BRWD1: variants seen among roughly 807,000 people sequenced by gnomAD.
BRWD1 encodes bromodomain and WD repeat-containing protein 1.
A neutral mutation model predicts 251.2 loss-of-function variants in BRWD1; 82 were observed. The ratio of observed to expected loss-of-function variants is 0.33; its 90% CI spans 0.27 to 0.39. BRWD1 has a LOEUF of 0.39. Among genes scored for constraint, BRWD1 ranks in the 10% least tolerant of loss-of-function variants. The pLI is 1.00. For synonymous variants in BRWD1, 918 were observed against 902.8 expected (o/e 1.02, Z -0.30); for missense variants, 2,233 against 2,711.6 (o/e 0.82, Z 3.92).
chr21:39,294,026 C>G lies in BRWD1; in HGVS notation c.616G>C (p.Asp206His). The change falls in exon 8 of 41, where the codon GAT (aspartate) becomes CAT (histidine). Residue 206 changes from aspartate (D) to histidine (H), a missense_variant. Around this residue, in one of 12 missense-constraint regions of BRWD1, gnomAD observed 185 missense variants for 260.6 expected, o/e 0.71. Transcript: ENST00000342449. ...RTGHRIFTGSDDCLVKIWSTH... is the reference protein window; with the variant it reads ...RTGHRIFTGSHDCLVKIWSTH... ...GACCAAATCTTTACCAAACAGTCAT[C>G]TGAACCCTAAGAAAAAATATATCCA... 6.2e-7 allele frequency: 1 copy of G among 1,612,170 alleles called. No individual in the cohort carries two copies. Among genetic ancestry groups the G allele is most frequent in the Non-Finnish European group, 8.5e-7 (1 of 1,178,820 alleles).
chr21:39,190,319 C>T lies in BRWD1; in HGVS notation c.*5940G>A. Reference sequence around the variant, plus strand: ...GTTTTCCTAAATTCAAAGTAAACTGCATATGGTTACTACAGAAGCATTATA... The same window carrying T: ...GTTTTCCTAAATTCAAAGTAAACTGTATATGGTTACTACAGAAGCATTATA... On this transcript the variant is annotated 3_prime_UTR_variant, in exon 41 of 41. Transcript: ENST00000342449. 1.0e-6 allele frequency: 1 copy of T among 984,640 alleles called. No homozygotes were observed. The highest frequency in any genetic ancestry group is 1.2e-6 in the Non-Finnish European group (1 of 829,326). 61.0% of individuals were successfully genotyped at this position (984,640 alleles called of 1,614,324 possible). A position where few individuals can be genotyped will look rare whatever the true frequency, so the allele number is the denominator to read the frequency against.
chr21:39,248,158 C>T (rs1192667455), intron 20 of BRWD1, among the ~76,000 whole-genome samples: 1 of 152,112 alleles, frequency 6.6e-6, no homozygotes, highest in African/African-American at 2.4e-5. Context: ...ATGAAAAATA[C>T]ATATTCGTAC....
chr21:39,190,949 A>G lies in BRWD1; in HGVS notation c.*5310T>C, dbSNP rs930963601. The G allele has an allele frequency of 1.0e-6, 1 of 985,196 alleles. No individual in the cohort carries two copies. Among genetic ancestry groups the G allele is most frequent in the Non-Finnish European group, 1.2e-6 (1 of 829,856 alleles). 61.0% of individuals were successfully genotyped at this position (985,196 alleles called of 1,614,324 possible). ...GGAACTACAACTAATCTAGCTCATCACAATACAGTTTTCTCTCACCCCTAG... is the reference window on the plus strand; with the variant it reads ...GGAACTACAACTAATCTAGCTCATCGCAATACAGTTTTCTCTCACCCCTAG... On this transcript the variant is annotated 3_prime_UTR_variant, in exon 41 of 41. Coordinates refer to ENST00000342449, the MANE Select transcript of BRWD1 (RefSeq NM_033656.4).
chr21:39,264,633 G>C lies in BRWD1; in HGVS notation c.1712C>G (p.Ser571Cys). Residue 571 changes from serine to cysteine, a missense_variant, in exon 17 of 41, where the codon TCT (serine) becomes TGT (cysteine). Around this residue, in one of 12 missense-constraint regions of BRWD1, gnomAD observed 315 missense variants for 421.8 expected, o/e 0.75. Coordinates refer to ENST00000342449, the MANE Select transcript of BRWD1 (RefSeq NM_033656.4). ...HTDYRPLIRD[S>C]NNYVLDEQTQ... ...TTGCTCATCTAAGACATAATTATTA[G>C]AATCTCTAATAAGTGGTCGATAGTC... 1 of 1,612,862 alleles carries C rather than the reference G, an allele frequency of 6.2e-7. No individual in the cohort carries two copies. The highest frequency in any genetic ancestry group is 8.5e-7 in the Non-Finnish European group (1 of 1,179,596).
chr21:39,314,270 C>G (rs557314448), upstream of BRWD1: 25 of 455,908 alleles, frequency 5.5e-5, no homozygotes, highest in Admixed American at 9.4e-5. Flanking sequence ...GTCTGCGGCG[C>G]TGAAGGCTGC....
Position 39,196,476 on chromosome 21 carries a change from A to G in BRWD1, c.6593T>C (p.Ile2198Thr). The change falls in exon 41 of 41, where the codon ATA becomes ACA. Residue 2198 changes from isoleucine to threonine, a missense_variant. Ile to Thr is a moderately conservative substitution (Grantham distance 89, BLOSUM62 -1). This residue lies in a region of BRWD1 where 928 missense variants were observed against 970.0 expected (regional missense o/e 0.96). Transcript: ENST00000342449. ...TCTTTGACGTCTCACAGTTTTAGAT[A>G]TGTTAGCTGTAAAAGTTTTACCTTT... ...VRKGKTFTANISKTVRRQRQS... is the reference protein window; with the variant it reads ...VRKGKTFTANTSKTVRRQRQS... 1 of 1,613,176 alleles carries G rather than the reference A, an allele frequency of 6.2e-7. No homozygotes were observed. Among genetic ancestry groups the G allele is most frequent in the Non-Finnish European group, 8.5e-7 (1 of 1,179,650 alleles).
In BRWD1 at chr21:39,240,058, AAAAC is replaced by A. The variant is rs374552266; in HGVS notation, c.2482-1489_2482-1486del. 5.3e-3 allele frequency among the ~76,000 whole-genome samples: 801 copies of A among 152,302 alleles called. 7 individuals carry two copies. Among genetic ancestry groups the A allele is most frequent in the African/African-American group, 0.016 (673 of 41,552 alleles). On this transcript the variant is annotated intron_variant, in intron 21 of 40. Coordinates refer to ENST00000342449, the MANE Select transcript of BRWD1 (RefSeq NM_033656.4). The stretch of plus-strand genomic sequence containing the variant: ...AATGAAATATTATTCTGTGCTAAAA[AAAAC>A]AAACAAACAAACAAAAAAATCAAGC...
At position 39,195,142 on chromosome 21, in the gene BRWD1, A is replaced by C; in HGVS notation, c.*1117T>G. The C allele has an allele frequency of 9.0e-7, 1 of 1,109,246 alleles. No individual in the cohort carries two copies. The highest frequency in any genetic ancestry group is 1.1e-6 in the Non-Finnish European group (1 of 907,844). 68.7% of individuals were successfully genotyped at this position (1,109,246 alleles called of 1,614,324 possible). On this transcript the variant is annotated 3_prime_UTR_variant, in exon 41 of 41. Coordinates refer to ENST00000342449, the MANE Select transcript of BRWD1 (RefSeq NM_033656.4). ...TCTTATATTTGGACTAGAAGTCACT[A>C]ATAAAGATACATTTAGTTGCCCCAG...
chr21:39,264,016 T>A (rs1205549959), intron 17 of BRWD1, among the ~76,000 whole-genome samples: 1 of 152,116 alleles, frequency 6.6e-6, no homozygotes, highest in African/African-American at 2.4e-5. Flanking sequence ...TTCAAATACA[T>A]CAACATCATG....
intron 13 of BRWD1, among the ~76,000 whole-genome samples, 164 bp downstream of exon 13, chr21:39,274,210 T>C (rs1442991448): frequency 6.6e-6 from 1 of 152,192 alleles, no homozygotes. Flanking sequence ...TCACCTGATA[T>C]GCAGTACGCA....
At chr21:39,220,993 A>G (rs1249958261) in intron 29 of BRWD1, among the ~76,000 whole-genome samples, 1 of 152,006 alleles carries the variant, frequency 6.6e-6, no homozygotes, top group Non-Finnish European at 1.5e-5. Context: ...TATCTCTACT[A>G]AAAATACAAA....
At chr21:39,314,262 C>T (rs983056930), upstream of BRWD1, 7 of 455,670 alleles carry the variant, frequency 1.5e-5, no homozygotes, top group East Asian at 4.9e-4. Context: ...GCCGGAGCGT[C>T]TGCGGCGCTG....
Position 39,189,294 on chromosome 21 carries a change from G to C in BRWD1, c.*6965C>G, listed in dbSNP as rs2031420097. ...TCATTCCCAACAACCTATTCATCCA[G>C]ACAAATAGATAAAATTCTATTTCAA... On this transcript the variant is annotated 3_prime_UTR_variant, in exon 41 of 41. Coordinates refer to ENST00000342449, the MANE Select transcript of BRWD1 (RefSeq NM_033656.4). 2 of 984,516 alleles carry C rather than the reference G, an allele frequency of 2.0e-6. No individual in the cohort carries two copies. The highest frequency in any genetic ancestry group is 1.7e-5 in the African/African-American group (1 of 57,188). The allele number at this position is 984,516 out of a possible 1,614,324, so 61.0% of individuals were successfully genotyped here.
intron 8 of BRWD1, among the ~76,000 whole-genome samples, chr21:39,285,871 CAAAAAAAAAAA>C: frequency 9.9e-6 from 1 of 101,444 alleles, no homozygotes; most frequent in Non-Finnish European, 1.9e-5. Flanking sequence ...GCCCAGTCAA[CAAAAAAAAAAA>C]AAAAAAAAAA....
rs774915450 is a variant in BRWD1, at chr21:39,196,830, G to C, written c.6239C>G (p.Thr2080Ser). 6.2e-7 allele frequency: 1 copy of C among 1,613,392 alleles called. No homozygotes were observed. The highest frequency in any genetic ancestry group is 1.3e-5 in the African/African-American group (1 of 74,900). The change falls in exon 41 of 41, where the codon ACT (threonine) becomes AGT (serine). Residue 2080 changes from threonine to serine, a missense_variant. Coordinates refer to ENST00000342449, the MANE Select transcript of BRWD1 (RefSeq NM_033656.4). ...SSESTLAQKATAENNFEVELN... is the reference protein window; with the variant it reads ...SSESTLAQKASAENNFEVELN... ...TTCCACTTCAAAATTATTCTCTGCA[G>C]TAGCTTTTTGTGCCAAGGTTGACTC...
intron 4 of BRWD1, among the ~76,000 whole-genome samples, chr21:39,301,760 C>G (rs533966557): frequency 1.3e-5 from 2 of 151,856 alleles, no homozygotes; most frequent in Non-Finnish European, 2.9e-5. Context: ...AGTAAAACTG[C>G]TGAAAATCAA....
intron 9 of BRWD1, among the ~76,000 whole-genome samples, 164 bp downstream of exon 9, chr21:39,279,984 A>C (rs1282170463): frequency 6.6e-6 from 1 of 152,224 alleles, no homozygotes; most frequent in Non-Finnish European, 1.5e-5. Context: ...TATAAATAGG[A>C]AATAGTCAAT....
chr21:39,294,116 ATTAACT>A, intron 7 of BRWD1, 84 bp from the exon 8 acceptor site: 1 of 1,109,788 alleles, frequency 9.0e-7, no homozygotes, highest in Non-Finnish European at 1.3e-6. Context: ...TGCCATCCAA[ATTAACT>A]TTAACTCTTT....
chr21:39,187,137 A>G lies in BRWD1; in HGVS notation c.*9122T>C. 6.2e-6 allele frequency: 10 copies of G among 1,613,352 alleles called. No homozygotes were observed. Among genetic ancestry groups the G allele is most frequent in the African/African-American group, 5.3e-5 (4 of 74,926 alleles). Reference sequence around the variant, plus strand: ...AATTTATGGTTGTATCATCCTCTTTATAAACATTCAGTAATTTTTTCTTAG... The same window carrying G: ...AATTTATGGTTGTATCATCCTCTTTGTAAACATTCAGTAATTTTTTCTTAG... On this transcript the variant is annotated 3_prime_UTR_variant, in exon 41 of 41. Transcript: ENST00000342449.
Sources: allele counts gnomAD v4.1 joint callset (sites outside exome capture counted in the v4.1 genomes callset), GRCh38; gene constraint gnomAD v4.1.1; regional missense constraint gnomAD v4.1.1; transcripts MANE v1.5; gene names NCBI Gene and HGNC (gene_info 2026-07-23, HGNC 2026-07-21).